The following NLGN1 variants were observed in gnomAD, a reference collection of about 807,000 sequenced individuals.
NLGN1 encodes neuroligin 1.
A neutral mutation model predicts 65.5 loss-of-function variants in NLGN1; 12 were observed. The observed-to-expected ratio is 0.18, with a 90% CI of 0.12 to 0.30. NLGN1 has a LOEUF of 0.30. Among genes scored for constraint, NLGN1 ranks in the 10% least tolerant of loss-of-function variants. NLGN1 has a pLI of 1.00. For synonymous variants in NLGN1, 350 were observed against 359.5 expected, an observed-to-expected ratio of 0.97 and a Z score of 0.30; for missense variants, 750 against 1,007.1, an observed-to-expected ratio of 0.74 and a Z score of 3.46.
chr3:173,791,520 G>GTT (rs200604296), intron 3 of NLGN1, among the ~76,000 whole-genome samples: 13 of 133,636 alleles, frequency 9.7e-5, no homozygotes, highest in African/African-American at 2.1e-4. Flanking sequence ...AGTTTCTTCT[G>GTT]TTTTTTTTTT....
At chr3:173,555,029 G>T (rs1741488142) in intron 2 of NLGN1, among the ~76,000 whole-genome samples, 1 of 152,108 alleles carries the variant, frequency 6.6e-6, no homozygotes, top group Non-Finnish European at 1.5e-5. Flanking sequence ...ACCATTCTGT[G>T]TGCTAATTGA....
downstream of NLGN1, among the ~76,000 whole-genome samples, chr3:174,289,534 G>A (rs1050638197): frequency 9.3e-5 from 14 of 150,968 alleles, no homozygotes; most frequent in Non-Finnish European, 1.9e-4. Context: ...AAGAAAACTG[G>A]GATAATTACT....
At chr3:173,923,220 C>A (rs1412946355) in intron 4 of NLGN1, among the ~76,000 whole-genome samples, 3 of 152,060 alleles carry the variant, frequency 2.0e-5, no homozygotes, top group Non-Finnish European at 4.4e-5. Flanking sequence ...ACCATGGTTG[C>A]TAGGGTCTGT....
At chr3:173,768,260 A>G (rs1226938509) in intron 3 of NLGN1, among the ~76,000 whole-genome samples, 1 of 152,190 alleles carries the variant, frequency 6.6e-6, no homozygotes, top group Non-Finnish European at 1.5e-5. Context: ...CCTAATTCCT[A>G]CTATGTGAGT....
At chr3:173,613,243 A>G (rs1752573958) in intron 3 of NLGN1, among the ~76,000 whole-genome samples, 1 of 152,062 alleles carries the variant, frequency 6.6e-6, no homozygotes, top group Admixed American at 6.6e-5. Context: ...TCTATTTTAA[A>G]TGTTGAAAAA....
At chr3:173,566,975 G>A (rs1743789125) in intron 2 of NLGN1, among the ~76,000 whole-genome samples, 1 of 152,098 alleles carries the variant, frequency 6.6e-6, no homozygotes, top group Non-Finnish European at 1.5e-5. Context: ...GGTACCATGA[G>A]ATGCCACTAA....
rs1434406586 is a variant in NLGN1 at position 173,685,029 on chromosome 3, C to A, written c.493+79938C>A. On this transcript the variant is annotated intron_variant, in intron 3 of 6. Transcript: ENST00000457714. The stretch of plus-strand genomic sequence containing the variant: ...GTGCCACCAGTTGAATCCTCTATGC[C>A]CGGTATGGCACCAGATGATTCTTAG... 2.0e-5 allele frequency among the ~76,000 whole-genome samples: 3 copies of A among 151,984 alleles called. No homozygotes were observed. In the East Asian group the frequency reaches 5.8e-4, roughly 29 times the overall value.
intron 4 of NLGN1, among the ~76,000 whole-genome samples, chr3:174,130,266 C>T (rs374922989): frequency 2.0e-5 from 3 of 152,030 alleles, no homozygotes; most frequent in East Asian, 1.9e-4. Context: ...CCCAGCTACT[C>T]GGGAGGCTGA....
chr3:173,845,595 G>T (rs1253277576), intron 4 of NLGN1, among the ~76,000 whole-genome samples: 1 of 146,276 alleles, frequency 6.8e-6, no homozygotes, highest in Admixed American at 7.1e-5. Context: ...TAGACAGATA[G>T]GTAGGTGGAT....
chr3:174,223,837 C>T (rs1398197011), intron 4 of NLGN1, among the ~76,000 whole-genome samples: 1 of 152,188 alleles, frequency 6.6e-6, no homozygotes, highest in Non-Finnish European at 1.5e-5. Context: ...AAATCATTAA[C>T]TTCCAAATTG....
intron 1 of NLGN1, among the ~76,000 whole-genome samples, chr3:173,415,785 C>CA (rs1713576359): frequency 6.6e-6 from 1 of 151,860 alleles, no homozygotes; most frequent in Non-Finnish European, 1.5e-5. Flanking sequence ...GCCTTAAAAT[C>CA]AGAGGAGCCT....
Position 173,603,490 on chromosome 3 carries a change from T to A in NLGN1, c.-320-789T>A, listed in dbSNP as rs1750890248. Among the ~76,000 whole-genome samples the A allele has an allele frequency of 2.0e-5, 3 of 152,222 alleles. No individual in the cohort carries two copies. The South Asian group carries it at 6.2e-4, about 32-fold the overall frequency. ...GAAAAAAACTGTAATTTAAAATATA[T>A]TGACTTTGAGTCATAAATTAATTTT... On this transcript the variant is annotated intron_variant, in intron 2 of 6. Transcript: ENST00000457714.
At chr3:174,154,808 AAGATATTGTAGATAGATATAT>A (rs145863534) in intron 4 of NLGN1, among the ~76,000 whole-genome samples, 52,314 of 146,254 alleles carry the variant, frequency 0.36, 11,062 homozygotes, top group African/African-American at 0.58. Flanking sequence ...GTTGTAGATA[AAGATATTGTAGATAGATATAT>A]AGATATTGTA....
chr3:173,593,319 C>T (rs1458223429), intron 2 of NLGN1, among the ~76,000 whole-genome samples: 3 of 152,012 alleles, frequency 2.0e-5, no homozygotes, highest in Non-Finnish European at 2.9e-5. Flanking sequence ...ATATCATCAC[C>T]CAGGTACTAA....
intron 4 of NLGN1, among the ~76,000 whole-genome samples, chr3:174,056,436 T>A (rs1473432995): frequency 6.6e-6 from 1 of 152,012 alleles, no homozygotes; most frequent in Admixed American, 6.6e-5. Context: ...AAATGATTAT[T>A]CTCATGTCAT....
intron 3 of NLGN1, among the ~76,000 whole-genome samples, chr3:173,608,849 T>A (rs1314154384): frequency 6.6e-6 from 1 of 151,930 alleles, no homozygotes; most frequent in Non-Finnish European, 1.5e-5. Context: ...CTTAATTGAA[T>A]TGAATCAAGC....
intron 3 of NLGN1, among the ~76,000 whole-genome samples, chr3:173,749,115 A>G (rs1345354175): frequency 2.0e-5 from 3 of 152,130 alleles, no homozygotes; most frequent in African/African-American, 4.8e-5. Context: ...AGAGAACCCT[A>G]TAATTTGATT....
intron 2 of NLGN1, among the ~76,000 whole-genome samples, chr3:173,451,130 G>T (rs1721428107): frequency 6.6e-6 from 1 of 152,190 alleles, no homozygotes; most frequent in Admixed American, 6.5e-5. Context: ...TGGAGGAGGA[G>T]AGGCGCTCTG....
At chr3:173,451,588 G>T (rs957378368) in intron 2 of NLGN1, among the ~76,000 whole-genome samples, 1 of 152,190 alleles carries the variant, frequency 6.6e-6, no homozygotes, top group African/African-American at 2.4e-5. Flanking sequence ...CTTCAAAGCT[G>T]TCAGACAGGG....
Sources: gnomAD v4.1 joint callset for allele counts (sites outside exome capture counted in the v4.1 genomes callset) on GRCh38, gnomAD v4.1.1 for gene constraint, MANE v1.5 for transcripts, NCBI Gene and HGNC (gene_info 2026-07-23, HGNC 2026-07-21) for gene names.